Variants in DTNA observed in about 807,000 individuals in gnomAD.
DTNA encodes the protein dystrophin-related protein 3.
DTNA carries 43 observed loss-of-function variants against 100.7 expected under a neutral mutation model. The observed-to-expected ratio is 0.43, with a 90% CI of 0.33 to 0.55. The LOEUF is 0.55. Ranked by LOEUF, DTNA falls within the 20% of genes least tolerant of loss-of-function variation. The pLI, the probability that DTNA is intolerant of heterozygous loss-of-function variation, is 0.04. For missense variants in DTNA, 798 were observed against 953.9 expected (o/e 0.84, Z 2.15); for synonymous variants, 349 against 347.9 (o/e 1.00, Z -0.04).
At chr18:34,603,930 CA>C (rs998523867) in intron 1 of DTNA, among the ~76,000 whole-genome samples, 2 of 151,556 alleles carry the variant, frequency 1.3e-5, no homozygotes, top group Admixed American at 6.6e-5. Context: ...TATTGAGTTT[CA>C]AAAAAAAGCT....
chr18:34,879,137 T>C (rs1174652873), intron 19 of DTNA, among the ~76,000 whole-genome samples: 1 of 152,234 alleles, frequency 6.6e-6, no homozygotes, highest in African/African-American at 2.4e-5. Flanking sequence ...AGGGTTCACT[T>C]AATATTTTAA....
chr18:34,512,190 A>T (rs1162269337), intron 1 of DTNA, among the ~76,000 whole-genome samples: 4 of 152,142 alleles, frequency 2.6e-5, no homozygotes, highest in Non-Finnish European at 5.9e-5. Flanking sequence ...GAGTTGTGTT[A>T]TGGGACAGCA....
chr18:34,830,464 G>T (rs534777979), intron 11 of DTNA, among the ~76,000 whole-genome samples: 1 of 152,030 alleles, frequency 6.6e-6, no homozygotes, highest in Non-Finnish European at 1.5e-5. Context: ...AAAGACACAG[G>T]GATATAACTT....
intron 1 of DTNA, among the ~76,000 whole-genome samples, chr18:34,732,370 G>A (rs1406510339): frequency 1.3e-5 from 2 of 152,176 alleles, no homozygotes; most frequent in Admixed American, 6.6e-5. Flanking sequence ...ATACAGCAGA[G>A]TCACCTGTAT....
At chr18:34,824,758 T>C (rs1317710904) in intron 9 of DTNA, among the ~76,000 whole-genome samples, 1 of 151,942 alleles carries the variant, frequency 6.6e-6, no homozygotes, top group East Asian at 1.9e-4. Context: ...TTTTTTTATT[T>C]TTTGTAGAAA....
At chr18:34,629,390 G>A (rs749541136) in intron 1 of DTNA, among the ~76,000 whole-genome samples, 6 of 152,088 alleles carry the variant, frequency 3.9e-5, no homozygotes, top group Non-Finnish European at 7.4e-5. Flanking sequence ...TTGAGACTTG[G>A]GAAAACTGGT....
intron 1 of DTNA, among the ~76,000 whole-genome samples, chr18:34,678,301 A>G (rs1225015184): frequency 6.6e-6 from 1 of 152,180 alleles, no homozygotes; most frequent in African/African-American, 2.4e-5. Flanking sequence ...AGTACCTCAA[A>G]TCATAGGAAG....
chr18:34,669,177 G>T (rs1228235617), intron 1 of DTNA, among the ~76,000 whole-genome samples: 1 of 152,162 alleles, frequency 6.6e-6, no homozygotes, highest in Non-Finnish European at 1.5e-5. Flanking sequence ...TTACCATTAT[G>T]TAATGGCCTT....
intron 1 of DTNA, among the ~76,000 whole-genome samples, chr18:34,521,646 CT>C (rs2042158967): frequency 1.3e-5 from 2 of 152,072 alleles, no homozygotes; most frequent in African/African-American, 4.8e-5. Context: ...ATAAGCCAAG[CT>C]TTTGCCCAGC....
intron 8 of DTNA, among the ~76,000 whole-genome samples, chr18:34,818,825 G>A (rs1488561148): frequency 1.3e-5 from 2 of 152,138 alleles, no homozygotes; most frequent in Admixed American, 1.3e-4. Context: ...TCTGCAGAGG[G>A]TGGGGAGGGG....
At chr18:34,753,520 C>G (rs940358901) in intron 1 of DTNA, among the ~76,000 whole-genome samples, 21 of 144,904 alleles carry the variant, frequency 1.4e-4, no homozygotes, top group Admixed American at 6.1e-4. Context: ...GTAGCTGGGA[C>G]TACAGGCGCC....
chr18:34,705,351 T>C (rs1344476954), upstream of DTNA, among the ~76,000 whole-genome samples: 1 of 152,062 alleles, frequency 6.6e-6, no homozygotes, highest in African/African-American at 2.4e-5. Context: ...TCAAAGTAAC[T>C]ACCATTCCTG....
chr18:34,572,574 C>A (rs2047695173), intron 1 of DTNA, among the ~76,000 whole-genome samples: 1 of 152,156 alleles, frequency 6.6e-6, no homozygotes, highest in Admixed American at 6.5e-5. Flanking sequence ...GGGCTTCTAG[C>A]ACCCCGTACT....
At chr18:34,706,088 C>T (rs186807645), upstream of DTNA, among the ~76,000 whole-genome samples, 303 of 152,280 alleles carry the variant, frequency 2.0e-3, 2 homozygotes, top group Middle Eastern at 0.02. Flanking sequence ...GCTGGGATTA[C>T]AGGCAATACG....
chr18:34,524,397 A>G (rs2042417824), intron 1 of DTNA, among the ~76,000 whole-genome samples: 1 of 152,164 alleles, frequency 6.6e-6, no homozygotes, highest in African/African-American at 2.4e-5. Flanking sequence ...ACCGTTAAAA[A>G]TGACAGATTT....
intron 1 of DTNA, among the ~76,000 whole-genome samples, chr18:34,514,528 C>T (rs1413573773): frequency 1.3e-5 from 2 of 152,044 alleles, no homozygotes; most frequent in African/African-American, 2.4e-5. Context: ...ATATCTAAGG[C>T]AGTATTAAAG....
intron 1 of DTNA, among the ~76,000 whole-genome samples, chr18:34,583,444 T>C (rs1315612244): frequency 1.3e-5 from 2 of 152,044 alleles, no homozygotes; most frequent in Non-Finnish European, 2.9e-5. Context: ...AGAATTACAA[T>C]TAAAATGGTG....
At chr18:34,609,348 G>A (rs12326551) in intron 1 of DTNA, among the ~76,000 whole-genome samples, 2,449 of 150,852 alleles carry the variant, frequency 0.016, 54 homozygotes, top group African/African-American at 0.048. Context: ...GGGTTCAAGC[G>A]ATTCTCCTGC....
intron 1 of DTNA, chr18:34,574,260 G>C (rs1311944779): frequency 1.3e-5 from 2 of 152,836 alleles, no homozygotes; most frequent in Non-Finnish European, 2.9e-5. Context: ...TTAGGCCTGG[G>C]CCAAGGATCC....
Sources: gnomAD v4.1 joint callset for allele counts (sites outside exome capture counted in the v4.1 genomes callset) on GRCh38, gnomAD v4.1.1 for gene constraint, MANE v1.5 for transcripts, NCBI Gene and HGNC (gene_info 2026-07-23, HGNC 2026-07-21) for gene names.